GBP4: variants seen among roughly 807,000 people sequenced by gnomAD.
The protein encoded by GBP4 is guanylate-binding protein 4.
Under a neutral mutation model 62.2 loss-of-function variants are expected in GBP4, and 69 were observed. The observed-to-expected ratio is 1.11, with a 90% CI of 0.91 to 1.36. The LOEUF (loss-of-function observed/expected upper bound fraction) is 1.36, where lower values mean the gene tolerates loss of function less well. GBP4 is among the 40% of genes most tolerant of loss of function. The probability of loss-of-function intolerance (pLI) is 0.00; values close to 1 mark genes in which losing one functional copy is unlikely to be tolerated. For synonymous variants in GBP4, 278 were observed against 274.6 expected (o/e 1.01, Z -0.12); for missense variants, 697 against 759.3 (o/e 0.92, Z 0.96).
chr1:89,187,371 C>T (rs1292068305), intron 8 of GBP4, among the ~76,000 whole-genome samples: 1 of 152,108 alleles, frequency 6.6e-6, no homozygotes, highest in Non-Finnish European at 1.5e-5. Context: ...CACCACCCAC[C>T]CCCGGTGCAG....
chr1:89,185,365 C>T lies in GBP4; in HGVS notation c.1812G>A (p.Gln604=). ...TGTCAAGGATCTTTAAGAGCCTTAACTGTTCATTTTTAGTGCTTTCAATTT... is the reference window on the plus strand; with the variant it reads ...TGTCAAGGATCTTTAAGAGCCTTAATTGTTCATTTTTAGTGCTTTCAATTT... ...KEKIESTKNE[Q]LRLLKILDMA... Residue 604 remains glutamine (Q), a synonymous_variant, in exon 11 of 11, where the codon CAG becomes CAA. Transcript: ENST00000355754. 1 of 1,607,128 alleles carries T rather than the reference C, an allele frequency of 6.2e-7. No homozygotes were observed. Among genetic ancestry groups the T allele is most frequent in the East Asian group, 2.2e-5 (1 of 44,776 alleles).
In GBP4 at chr1:89,183,429, A is replaced by G. The variant is rs1051559338; in HGVS notation, c.*1825T>C. On this transcript the variant is annotated 3_prime_UTR_variant, in exon 11 of 11. Transcript: ENST00000355754. ...GAAGGATTAAAGACTTAAATATAAAACATTAAACTATAAAAACTCTGAAAA... is the reference window on the plus strand; with the variant it reads ...GAAGGATTAAAGACTTAAATATAAAGCATTAAACTATAAAAACTCTGAAAA... The G allele has an allele frequency of 6.6e-5, 10 of 152,228 alleles. No homozygotes were observed. Among genetic ancestry groups the G allele is most frequent in the Non-Finnish European group, 1.3e-4 (9 of 68,042 alleles). The allele number at this position is 152,228 out of a possible 1,614,324, so 9.4% of individuals were successfully genotyped here. A position where few individuals can be genotyped will look rare whatever the true frequency, so the allele number is the denominator to read the frequency against.
In GBP4 at chr1:89,191,416, G is replaced by A; in HGVS notation, c.761C>T (p.Pro254Leu). The A allele has an allele frequency of 6.2e-7, 1 of 1,614,188 alleles. No homozygotes were observed. Among genetic ancestry groups the A allele is most frequent in the African/African-American group, 1.3e-5 (1 of 75,046 alleles). Residue 254 changes from proline to leucine, a missense_variant, in exon 6 of 11, where the codon CCT becomes CTT. Pro to Leu is a moderately conservative substitution (Grantham distance 98). This residue lies in a region of GBP4 where 556 missense variants were observed against 562.7 expected (regional missense o/e 0.99). Transcript: ENST00000355754. ...RKRKCFVFDRPTNDKQYLNHM... is the reference protein window; with the variant it reads ...RKRKCFVFDRLTNDKQYLNHM... ...ATTTAAATATTGCTTGTCATTTGTA[G>A]GCCGGTCAAAGACAAAGCACTTCCG...
chr1:89,192,735 T>C (rs1002415828), intron 5 of GBP4, among the ~76,000 whole-genome samples, 169 bp downstream of exon 5: 1 of 152,146 alleles, frequency 6.6e-6, no homozygotes, highest in Non-Finnish European at 1.5e-5. Flanking sequence ...AAATTTCAAG[T>C]AAAAATAACC....
In GBP4 at chr1:89,193,019, C is replaced by T. The variant is rs745920473; in HGVS notation, c.555G>A (p.Ala185=). The stretch of plus-strand genomic sequence containing the variant: ...TCCAAATAAAGTCTGGAAAGAAACT[C>T]GCAAACTCGCTGGAGTCCTCAGCTT... ...PDEAEDSSEF[A]SFFPDFIWTV... The change falls in exon 5 of 11, where the codon GCG becomes GCA. Residue 185 remains alanine, a synonymous_variant. Transcript: ENST00000355754. The T allele has an allele frequency of 6.8e-6, 11 of 1,614,062 alleles. No homozygotes were observed. Among genetic ancestry groups the T allele is most frequent in the East Asian group, 2.2e-5 (1 of 44,898 alleles).
In GBP4 at chr1:89,193,304, G is replaced by A. The variant is rs1238027074; in HGVS notation, c.472C>T (p.His158Tyr). ...GCTCTTCACTTCCCAGAAGGATACT[G>A]CAGCTGCTCCAGGGCCTGGTGGTTG... Reference protein sequence around the residue: ...TINHQALEQLHYVTELAELIR... With the variant: ...TINHQALEQLYYVTELAELIR... Residue 158 changes from histidine (H) to tyrosine (Y), a missense_variant and splice_region_variant, in exon 4 of 11, where the codon CAC (histidine) becomes TAC (tyrosine). Physicochemically the swap from His to Tyr is moderately conservative, Grantham distance 83. Transcript: ENST00000355754. 1 of 1,613,388 alleles carries A rather than the reference G, an allele frequency of 6.2e-7. No individual in the cohort carries two copies. The highest frequency in any genetic ancestry group is 8.5e-7 in the Non-Finnish European group (1 of 1,179,632).
In GBP4 at chr1:89,192,971, C is replaced by T. The variant is rs1648228906; in HGVS notation, c.603G>A (p.Glu201=). Residue 201 remains glutamate (E), a synonymous_variant, in exon 5 of 11, where the codon GAG becomes GAA. Coordinates refer to ENST00000355754, the MANE Select transcript of GBP4 (RefSeq NM_052941.5). ...TGATGGGGTTTCCATCTAACTTTAG[C>T]TCCAGGGTAAAATCCCGAACAGTCC... ...FIWTVRDFTL[E]LKLDGNPITE... The T allele has an allele frequency of 3.7e-6, 6 of 1,614,160 alleles. No homozygotes were observed. Among genetic ancestry groups the T allele is most frequent in the Non-Finnish European group, 5.1e-6 (6 of 1,180,034 alleles).
At chr1:89,197,399 G>A in intron 1 of GBP4, 95 bp from the exon 2 acceptor site, 1 of 875,734 alleles carries the variant, frequency 1.1e-6, no homozygotes, top group Non-Finnish European at 1.7e-6. Context: ...TTTTGCTTGT[G>A]GAATGGTATA....
chr1:89,194,693 T>C, intron 3 of GBP4, among the ~76,000 whole-genome samples: 1 of 152,230 alleles, frequency 6.6e-6, no homozygotes, highest in East Asian at 1.9e-4. Context: ...GTCTAATTCA[T>C]GCTATTAAAG....
Position 89,182,362 on chromosome 1 carries a change from G to A in GBP4, c.*2892C>T, listed in dbSNP as rs950283061. The A allele has an allele frequency of 6.6e-6, 1 of 152,242 alleles. No homozygotes were observed. Among genetic ancestry groups the A allele is most frequent in the Non-Finnish European group, 1.5e-5 (1 of 68,076 alleles). 9.4% of individuals were successfully genotyped at this position (152,242 alleles called of 1,614,324 possible). On this transcript the variant is annotated 3_prime_UTR_variant, in exon 11 of 11. Coordinates refer to ENST00000355754, the MANE Select transcript of GBP4 (RefSeq NM_052941.5). Reference sequence around the variant, plus strand: ...TGATTTGAGCAAACAGGCGGTACATGACAGGGGCTGCATGCACTGGTGGTC... The same window carrying A: ...TGATTTGAGCAAACAGGCGGTACATAACAGGGGCTGCATGCACTGGTGGTC...
intron 5 of GBP4, 37 bp downstream of exon 5, chr1:89,192,867 C>G (rs1222438697): frequency 1.9e-6 from 3 of 1,595,778 alleles, no homozygotes; most frequent in South Asian, 2.2e-5. Context: ...TCCTACCCCC[C>G]ACTGAACCTT....
Position 89,193,194 on chromosome 1 carries a change from G to T in GBP4, c.474-94C>A, listed in dbSNP as rs529438588. The T allele has an allele frequency of 2.4e-4, 360 of 1,525,574 alleles. 2 individuals carry two copies. In the South Asian group the frequency reaches 3.8e-3, roughly 16 times the overall value. 94.5% of individuals were successfully genotyped at this position (1,525,574 alleles called of 1,614,324 possible). Reference sequence around the variant, plus strand: ...TTATACACGTTCCCTTTTGCACTCTGTCTTTTCTTACTCAACCAGGACAAC... The same window carrying T: ...TTATACACGTTCCCTTTTGCACTCTTTCTTTTCTTACTCAACCAGGACAAC... On this transcript the variant is annotated intron_variant, in intron 4 of 10. Coordinates refer to ENST00000355754, the MANE Select transcript of GBP4 (RefSeq NM_052941.5).
intron 9 of GBP4, 27 bp from the exon 10 acceptor site, chr1:89,186,553 A>T (rs200760691): frequency 6.2e-7 from 1 of 1,604,868 alleles, no homozygotes; most frequent in Non-Finnish European, 8.5e-7. Context: ...TTAGAGAGGG[A>T]AGAAAATGAC....
At chr1:89,198,716 G>T in intron 1 of GBP4, 79 bp downstream of exon 1, 4 of 1,218,764 alleles carry the variant, frequency 3.3e-6, no homozygotes, top group Non-Finnish European at 4.9e-6. Context: ...CTCCCCGTGT[G>T]CAGTCTGCGC....
chr1:89,183,526 G>A lies in GBP4; in HGVS notation c.*1728C>T, dbSNP rs536525791. On this transcript the variant is annotated 3_prime_UTR_variant, in exon 11 of 11. Coordinates refer to ENST00000355754, the MANE Select transcript of GBP4 (RefSeq NM_052941.5). The stretch of plus-strand genomic sequence containing the variant: ...CATGATGAAGATAACATAAGCAATT[G>A]CAGCAAAAACAAAAACTGACAAAGG... 2.9e-4 allele frequency: 44 copies of A among 152,142 alleles called. No individual in the cohort carries two copies. The highest frequency in any genetic ancestry group is 1.0e-3 in the Admixed American group (16 of 15,268). The allele number at this position is 152,142 out of a possible 1,614,324, so 9.4% of individuals were successfully genotyped here.
chr1:89,196,318 A>G (rs1382818345), intron 2 of GBP4, among the ~76,000 whole-genome samples: 4 of 152,312 alleles, frequency 2.6e-5, no homozygotes, highest in African/African-American at 7.2e-5. Context: ...CCAAAAATAC[A>G]CACAATATAA....
chr1:89,187,195 C>A, intron 8 of GBP4, 93 bp from the exon 9 acceptor site: 1 of 984,434 alleles, frequency 1.0e-6, no homozygotes, highest in Non-Finnish European at 1.6e-6. Flanking sequence ...ACAAATCTAA[C>A]CCTGTAAACT....
chr1:89,190,490 T>C (rs185158668), intron 6 of GBP4, among the ~76,000 whole-genome samples, 172 bp from the exon 7 acceptor site: 12 of 152,298 alleles, frequency 7.9e-5, no homozygotes, highest in Non-Finnish European at 1.5e-4. Flanking sequence ...CAACTCTTTA[T>C]AATAACATCC....
At chr1:89,186,875 A>G in intron 9 of GBP4, 125 bp downstream of exon 9, 2 of 818,800 alleles carry the variant, frequency 2.4e-6, no homozygotes, top group Middle Eastern at 3.7e-4. Flanking sequence ...GAACTTATTA[A>G]TATTTTAACT....
Sources: allele counts gnomAD v4.1 joint callset (sites outside exome capture counted in the v4.1 genomes callset), GRCh38; gene constraint gnomAD v4.1.1; regional missense constraint gnomAD v4.1.1; transcripts MANE v1.5; gene names NCBI Gene and HGNC (gene_info 2026-07-23, HGNC 2026-07-21).